MAPK10: variants seen among roughly 807,000 people sequenced by gnomAD.
The protein encoded by MAPK10 is JNK3 alpha protein kinase.
Under a neutral mutation model 59.3 loss-of-function variants are expected in MAPK10, and 25 were observed. The ratio of observed to expected loss-of-function variants is 0.42; its 90% CI spans 0.31 to 0.59. The LOEUF is 0.59. Among genes scored for constraint, MAPK10 ranks in the 20% least tolerant of loss-of-function variants. The probability of loss-of-function intolerance (pLI) is 0.15; values close to 1 mark genes in which losing one functional copy is unlikely to be tolerated. For missense variants in MAPK10, 351 were observed against 568.9 expected (o/e 0.62, Z 3.90); for synonymous variants, 190 against 200.5 (o/e 0.95, Z 0.44).
intron 4 of MAPK10, among the ~76,000 whole-genome samples, chr4:86,141,917 T>C (rs2063729502): frequency 3.9e-5 from 6 of 152,200 alleles, no homozygotes; most frequent in Admixed American, 3.9e-4. Flanking sequence ...AGGGCTTTTG[T>C]GCTGTGTCAC....
chr4:86,123,208 T>C lies in MAPK10; in HGVS notation c.237-15856A>G, dbSNP rs35404583. Among the ~76,000 whole-genome samples, 425 of 152,252 alleles carry C rather than the reference T, an allele frequency of 2.8e-3. 1 individual carries two copies. Among genetic ancestry groups the C allele is most frequent in the Non-Finnish European group, 4.5e-3 (304 of 67,972 alleles). Reference sequence around the variant, plus strand: ...ATAAAGTCCTCCAGGTTTATCCATGTTGTCACACATAACAGGGTTTTCTTC... The same window carrying C: ...ATAAAGTCCTCCAGGTTTATCCATGCTGTCACACATAACAGGGTTTTCTTC... On this transcript the variant is annotated intron_variant, in intron 4 of 13. Transcript: ENST00000641462.
chr4:86,407,398 T>C (rs966255677), intron 1 of MAPK10, among the ~76,000 whole-genome samples: 1 of 152,120 alleles, frequency 6.6e-6, no homozygotes, highest in Non-Finnish European at 1.5e-5. Context: ...TCTCCATACT[T>C]ACAGGAGAAA....
At chr4:86,317,109 G>A (rs928447606) in intron 2 of MAPK10, among the ~76,000 whole-genome samples, 3 of 152,030 alleles carry the variant, frequency 2.0e-5, no homozygotes, top group Non-Finnish European at 4.4e-5. Context: ...CCTTCCAAGA[G>A]GCGTGCCCAC....
At chr4:86,433,416 G>C (rs1470995555) in intron 1 of MAPK10, among the ~76,000 whole-genome samples, 1 of 151,832 alleles carries the variant, frequency 6.6e-6, no homozygotes, top group African/African-American at 2.4e-5. Context: ...TCAACTTTTT[G>C]GTGCAATTAA....
chr4:86,370,361 C>T (rs1411655723), intron 1 of MAPK10, among the ~76,000 whole-genome samples: 2 of 151,778 alleles, frequency 1.3e-5, no homozygotes, highest in Non-Finnish European at 2.9e-5. Context: ...TAGTCTTTCA[C>T]AAGAAATAGA....
At chr4:86,577,883 A>G (rs922199563) in intron 1 of MAPK10, among the ~76,000 whole-genome samples, 1 of 152,086 alleles carries the variant, frequency 6.6e-6, no homozygotes, top group African/African-American at 2.4e-5. Context: ...ATATTTATAG[A>G]ATATTTATTG....
intron 1 of MAPK10, among the ~76,000 whole-genome samples, chr4:86,464,880 C>A (rs1195588510): frequency 6.6e-6 from 1 of 152,132 alleles, no homozygotes; most frequent in Non-Finnish European, 1.5e-5. Context: ...TACACCTCTT[C>A]CGGGACTTTT....
At chr4:86,391,806 C>A (rs1742224894) in intron 1 of MAPK10, among the ~76,000 whole-genome samples, 1 of 152,162 alleles carries the variant, frequency 6.6e-6, no homozygotes, top group Non-Finnish European at 1.5e-5. Context: ...TTTGATTACC[C>A]AGCATGCATT....
chr4:86,401,769 T>C (rs1025389544), intron 1 of MAPK10, among the ~76,000 whole-genome samples: 12 of 152,324 alleles, frequency 7.9e-5, no homozygotes, highest in Middle Eastern at 3.4e-3. Context: ...AGTAAATTAT[T>C]TATGTAACAG....
chr4:86,564,700 C>A (rs1416840206), intron 1 of MAPK10, among the ~76,000 whole-genome samples: 2 of 152,072 alleles, frequency 1.3e-5, no homozygotes, highest in Non-Finnish European at 2.9e-5. Flanking sequence ...TTTCTACCAC[C>A]TTTTTAAGGA....
At chr4:86,414,323 C>A (rs1745588081) in intron 1 of MAPK10, among the ~76,000 whole-genome samples, 1 of 152,106 alleles carries the variant, frequency 6.6e-6, no homozygotes, top group Non-Finnish European at 1.5e-5. Context: ...ATAACCTCAG[C>A]TAAGCCAATC....
At chr4:86,200,339 C>A (rs889667494) in intron 2 of MAPK10, among the ~76,000 whole-genome samples, 4 of 152,078 alleles carry the variant, frequency 2.6e-5, no homozygotes, top group Admixed American at 2.6e-4. Context: ...ATACTCCTCA[C>A]CCTCCAAACA....
chr4:86,294,613 G>A (rs61627538), intron 2 of MAPK10, among the ~76,000 whole-genome samples: 1 of 151,994 alleles, frequency 6.6e-6, no homozygotes, highest in Non-Finnish European at 1.5e-5. Flanking sequence ...TTGTTTGAAA[G>A]AATGAAAACA....
chr4:86,436,199 A>G (rs773946659), intron 1 of MAPK10, among the ~76,000 whole-genome samples: 3 of 152,208 alleles, frequency 2.0e-5, no homozygotes, highest in Non-Finnish European at 4.4e-5. Context: ...GACCCTGAAT[A>G]TAAGTGTAAA....
chr4:86,023,812 AATATATATATATATATATATATAT>A (rs368982706), intron 13 of MAPK10: 50 of 100,428 alleles, frequency 5.0e-4, no homozygotes, highest in Non-Finnish European at 7.8e-4. Context: ...AGATCAAATG[AATATATATATATATATATATATAT>A]ATATATATAT....
At chr4:86,386,501 T>G (rs1409316873) in intron 1 of MAPK10, among the ~76,000 whole-genome samples, 5 of 152,170 alleles carry the variant, frequency 3.3e-5, no homozygotes. Flanking sequence ...ATTGGTTCGC[T>G]TGGGTCTCTC....
chr4:86,381,774 A>G (rs1197597588), intron 1 of MAPK10, among the ~76,000 whole-genome samples: 1 of 152,164 alleles, frequency 6.6e-6, no homozygotes. Context: ...TTATTTACAC[A>G]GGGACGGTTT....
chr4:86,263,426 T>C (rs1194668113), intron 2 of MAPK10, among the ~76,000 whole-genome samples: 1 of 152,212 alleles, frequency 6.6e-6, no homozygotes, highest in African/African-American at 2.4e-5. Context: ...AGTATGATGA[T>C]AAATACTATT....
At chr4:86,505,216 C>T (rs987374825) in intron 1 of MAPK10, among the ~76,000 whole-genome samples, 3 of 152,126 alleles carry the variant, frequency 2.0e-5, no homozygotes, top group African/African-American at 7.2e-5. Context: ...AAATTTTCTA[C>T]TCTTTGATAA....
Sources: allele counts gnomAD v4.1 joint callset (sites outside exome capture counted in the v4.1 genomes callset), GRCh38; gene constraint gnomAD v4.1.1; transcripts MANE v1.5; gene names NCBI Gene and HGNC (gene_info 2026-07-23, HGNC 2026-07-21).